The following PDGFD variants were observed in gnomAD, a reference collection of about 807,000 sequenced individuals.
The protein encoded by PDGFD is platelet-derived growth factor D.
A neutral mutation model predicts 44.7 loss-of-function variants in PDGFD; 30 were observed. The ratio of observed to expected loss-of-function variants is 0.67; its 90% CI spans 0.50 to 0.91. The LOEUF (loss-of-function observed/expected upper bound fraction) is 0.91. Ranked by LOEUF, PDGFD falls within the 40% of genes least tolerant of loss-of-function variation. The pLI is 0.00. For missense variants in PDGFD, 445 were observed against 457.8 expected (o/e 0.97, Z 0.25); for synonymous variants, 173 against 168.4 (o/e 1.03, Z -0.21).
chr11:104,110,277 A>G (rs1158905235), intron 1 of PDGFD, among the ~76,000 whole-genome samples: 1 of 152,016 alleles, frequency 6.6e-6, no homozygotes, highest in Non-Finnish European at 1.5e-5. Context: ...TATTTGTACA[A>G]ATAAAAATGC....
intron 3 of PDGFD, among the ~76,000 whole-genome samples, chr11:103,953,361 T>C (rs969487802): frequency 6.6e-6 from 1 of 152,132 alleles, no homozygotes; most frequent in Non-Finnish European, 1.5e-5. Context: ...TACAAGAGTA[T>C]GTTCCATATC....
intron 2 of PDGFD, among the ~76,000 whole-genome samples, chr11:103,996,749 C>T (rs774570040): frequency 7.2e-5 from 11 of 152,164 alleles, no homozygotes; most frequent in African/African-American, 1.7e-4. Context: ...TGAATACACA[C>T]GACTTGCTAT....
rs114869260 is a variant in PDGFD, at chr11:103,968,413, C to T, written c.511-20689G>A. Among the ~76,000 whole-genome samples the T allele has an allele frequency of 1.5e-3, 222 of 152,274 alleles. 1 individual carries two copies. Among genetic ancestry groups the T allele is most frequent in the African/African-American group, 5.1e-3 (214 of 41,554 alleles). On this transcript the variant is annotated intron_variant, in intron 3 of 6. Coordinates refer to ENST00000393158, the MANE Select transcript of PDGFD (RefSeq NM_025208.5). ...GATAAGCTCCTTAAACTCAACAGGTCCAAAGTATTATTATCAAATTTTCCA... is the reference window on the plus strand; with the variant it reads ...GATAAGCTCCTTAAACTCAACAGGTTCAAAGTATTATTATCAAATTTTCCA...
intron 3 of PDGFD, among the ~76,000 whole-genome samples, chr11:103,972,791 AT>A (rs1859122484): frequency 6.6e-6 from 1 of 152,220 alleles, no homozygotes; most frequent in East Asian, 1.9e-4. Flanking sequence ...AGTAGAACTC[AT>A]TTTACAGGCT....
In PDGFD at chr11:103,992,608, G is replaced by A. The variant is rs183224237; in HGVS notation, c.510+3457C>T. ...TATGGTAAGGCACTGGTCCCATATG[G>A]CTATGCTGCCATGCCCTGGGTGGGC... is the stretch of plus-strand genomic sequence containing the variant. On this transcript the variant is annotated intron_variant, in intron 3 of 6. Coordinates refer to ENST00000393158, the MANE Select transcript of PDGFD (RefSeq NM_025208.5). Among the ~76,000 whole-genome samples, 448 of 152,320 alleles carry A rather than the reference G, an allele frequency of 2.9e-3. 1 individual carries two copies. The highest frequency in any genetic ancestry group is 3.5e-3 in the South Asian group (17 of 4,828).
rs917384264 is a variant in PDGFD at position 104,025,618 on chromosome 11, G to A, written c.125-25363C>T. On this transcript the variant is annotated intron_variant, in intron 1 of 6. Transcript: ENST00000393158. Reference sequence around the variant, plus strand: ...TAAGACCCCAGAGTTTCCCCTAGGGGTATGAAAGCCTCAGCATTTCCTCAC... The same window carrying A: ...TAAGACCCCAGAGTTTCCCCTAGGGATATGAAAGCCTCAGCATTTCCTCAC... Among the ~76,000 whole-genome samples the A allele has an allele frequency of 3.3e-5, 5 of 152,154 alleles. No homozygotes were observed. In the East Asian group the frequency reaches 7.7e-4, roughly 24 times the overall value.
intron 5 of PDGFD, among the ~76,000 whole-genome samples, chr11:103,935,849 A>T (rs1858480586): frequency 6.6e-6 from 1 of 152,204 alleles, no homozygotes; most frequent in African/African-American, 2.4e-5. Flanking sequence ...TTACAAAGAG[A>T]AGAAAATAGA....
intron 1 of PDGFD, among the ~76,000 whole-genome samples, chr11:104,043,648 C>A (rs765494780): frequency 2.0e-5 from 3 of 152,126 alleles, no homozygotes; most frequent in African/African-American, 7.2e-5. Context: ...GCTTACTGTA[C>A]AAGAAGCATG....
intron 3 of PDGFD, among the ~76,000 whole-genome samples, chr11:103,949,392 G>C (rs1858715122): frequency 1.3e-5 from 2 of 152,174 alleles, no homozygotes; most frequent in African/African-American, 4.8e-5. Flanking sequence ...ACACTAAAAG[G>C]ACACTGAATT....
intron 1 of PDGFD, among the ~76,000 whole-genome samples, chr11:104,056,765 C>T (rs1227437160): frequency 7.2e-5 from 11 of 151,988 alleles, no homozygotes; most frequent in Admixed American, 5.9e-4. Context: ...TTATTTCATA[C>T]AAAAATAAAC....
At chr11:104,095,994 AAG>A (rs1861280862) in intron 1 of PDGFD, among the ~76,000 whole-genome samples, 1 of 152,314 alleles carries the variant, frequency 6.6e-6, no homozygotes, top group Non-Finnish European at 1.5e-5. Flanking sequence ...AGTGGCAAGA[AAG>A]AATTAATACA....
intron 1 of PDGFD, among the ~76,000 whole-genome samples, chr11:104,126,492 A>G (rs1447385580): frequency 2.0e-5 from 3 of 152,168 alleles, no homozygotes; most frequent in South Asian, 4.1e-4. Context: ...ACAAATTCCA[A>G]TTGTTTTAAC....
chr11:104,147,655 T>G (rs982889667), intron 1 of PDGFD, among the ~76,000 whole-genome samples: 1 of 152,150 alleles, frequency 6.6e-6, no homozygotes, highest in African/African-American at 2.4e-5. Flanking sequence ...GCTCCAAATA[T>G]ATGCTGTCCA....
chr11:104,092,448 A>C (rs1366689397), intron 1 of PDGFD, among the ~76,000 whole-genome samples: 2 of 152,122 alleles, frequency 1.3e-5, no homozygotes, highest in Admixed American at 6.6e-5. Flanking sequence ...GCGCTATCTC[A>C]AATCTCTACA....
At chr11:104,039,387 A>G (rs941235116) in intron 1 of PDGFD, among the ~76,000 whole-genome samples, 1 of 152,090 alleles carries the variant, frequency 6.6e-6, no homozygotes, top group Non-Finnish European at 1.5e-5. Flanking sequence ...ATAAAGCCAC[A>G]TAAAGCATTC....
In PDGFD at chr11:104,071,429, C is replaced by CGT. The variant is rs144455506; in HGVS notation, c.125-71176_125-71175dup. ...ATATGGGTATATTTATATTTGAGTG[C>CGT]GTGTGTGTGTGTGTGTGTGTTATAT... On this transcript the variant is annotated intron_variant, in intron 1 of 6. Transcript: ENST00000393158. Among the ~76,000 whole-genome samples the CGT allele has an allele frequency of 6.2e-3, 905 of 145,686 alleles. 5 individuals carry two copies. Among genetic ancestry groups the CGT allele is most frequent in the Middle Eastern group, 7.0e-3 (2 of 284 alleles).
chr11:104,036,531 C>A, intron 1 of PDGFD: 1 of 433,298 alleles, frequency 2.3e-6, no homozygotes. Context: ...AGCTTTGAGC[C>A]ATCGTGTATC....
At chr11:103,950,394 CAAAAAAAAAA>C (rs375762671) in intron 3 of PDGFD, among the ~76,000 whole-genome samples, 1 of 107,784 alleles carries the variant, frequency 9.3e-6, no homozygotes, top group African/African-American at 3.3e-5. Context: ...ACTAATAATA[CAAAAAAAAAA>C]AAAAAAAAAA....
At chr11:104,050,496 A>G (rs1396199401) in intron 1 of PDGFD, among the ~76,000 whole-genome samples, 1 of 152,218 alleles carries the variant, frequency 6.6e-6, no homozygotes, top group Non-Finnish European at 1.5e-5. Context: ...TAGAAGCAGC[A>G]CTGGACCAGA....
Sources: allele counts gnomAD v4.1 joint callset (sites outside exome capture counted in the v4.1 genomes callset), GRCh38; gene constraint gnomAD v4.1.1; transcripts MANE v1.5; gene names NCBI Gene and HGNC (gene_info 2026-07-23, HGNC 2026-07-21).